The following COL11A1 variants were observed in gnomAD, a reference collection of about 807,000 sequenced individuals.
The protein encoded by COL11A1 is collagen type XI alpha 1 chain.
Under a neutral mutation model 265.2 loss-of-function variants are expected in COL11A1, and 74 were observed. That is an observed-to-expected ratio of 0.28 (90% CI 0.23 to 0.34). The LOEUF (loss-of-function observed/expected upper bound fraction) is 0.34, where lower values mean the gene tolerates loss of function less well. Among genes scored for constraint, COL11A1 ranks in the 10% least tolerant of loss-of-function variants. The pLI is 1.00. For missense variants in COL11A1, 2,165 were observed against 2,263.6 expected, an observed-to-expected ratio of 0.96 and a Z score of 0.88; for synonymous variants, 816 against 727.6, an observed-to-expected ratio of 1.12 and a Z score of -1.96.
chr1:103,053,158 G>A (rs766179312), intron 4 of COL11A1, among the ~76,000 whole-genome samples: 3 of 152,126 alleles, frequency 2.0e-5, no homozygotes, highest in South Asian at 2.1e-4. Flanking sequence ...ATTAAACAGG[G>A]CAATGCCCCT....
intron 46 of COL11A1, among the ~76,000 whole-genome samples, chr1:102,933,128 C>T (rs1443373504): frequency 2.7e-5 from 4 of 150,436 alleles, no homozygotes; most frequent in African/African-American, 7.3e-5. Flanking sequence ...TGTTCCATTG[C>T]TGGTGAGGAA....
At chr1:103,099,173 C>T (rs1387181866) in intron 1 of COL11A1, among the ~76,000 whole-genome samples, 1 of 151,540 alleles carries the variant, frequency 6.6e-6, no homozygotes, top group Non-Finnish European at 1.5e-5. Context: ...CATACCTATA[C>T]CAGTGATTTT....
At chr1:102,982,732 A>C (rs1030106511) in intron 31 of COL11A1, among the ~76,000 whole-genome samples, 1 of 152,060 alleles carries the variant, frequency 6.6e-6, no homozygotes. Context: ...CAATGAAAAA[A>C]TTGTAAGACA....
In COL11A1 at chr1:103,074,783, A is replaced by G; in HGVS notation, c.489-3T>C. ...CGCTGATTGCTACCCGATGCCACCTAAAAAAGACAAGTAATTCTTTTGTAA... is the reference window on the plus strand; with the variant it reads ...CGCTGATTGCTACCCGATGCCACCTGAAAAAGACAAGTAATTCTTTTGTAA... On this transcript the variant is annotated splice_polypyrimidine_tract_variant and splice_region_variant and intron_variant, in intron 3 of 66. Coordinates refer to ENST00000370096, the MANE Select transcript of COL11A1 (RefSeq NM_001854.4). 1.2e-6 allele frequency: 2 copies of G among 1,612,908 alleles called. No homozygotes were observed. Among genetic ancestry groups the G allele is most frequent in the Non-Finnish European group, 1.7e-6 (2 of 1,179,368 alleles).
intron 8 of COL11A1, among the ~76,000 whole-genome samples, 193 bp downstream of exon 8, chr1:103,022,549 T>C (rs184833458): frequency 8.5e-5 from 13 of 152,322 alleles, no homozygotes; most frequent in East Asian, 3.9e-4. Flanking sequence ...TCCAAAAGTA[T>C]GGCCAAAGAT....
At chr1:103,019,857 T>C (rs1666869262) in intron 9 of COL11A1, among the ~76,000 whole-genome samples, 2 of 150,898 alleles carry the variant, frequency 1.3e-5, no homozygotes, top group South Asian at 4.2e-4. Flanking sequence ...TTTGTTCTTG[T>C]GATAGTTTAC....
At position 102,942,024 on chromosome 1, in the gene COL11A1, T is replaced by A. The variant is rs543798399; in HGVS notation, c.3277-1590A>T. ...TAACTAATTTATTACTTGCCTGGGT[T>A]TCATATGTTCTTGTTTTTCAAAAGG... On this transcript the variant is annotated intron_variant, in intron 42 of 66. Transcript: ENST00000370096. Among the ~76,000 whole-genome samples the A allele has an allele frequency of 7.3e-4, 111 of 152,318 alleles. 1 individual carries two copies. Among genetic ancestry groups the A allele is most frequent in the African/African-American group, 2.6e-3 (107 of 41,580 alleles).
chr1:102,900,445 T>C (rs1042874300), intron 54 of COL11A1, among the ~76,000 whole-genome samples: 1 of 152,136 alleles, frequency 6.6e-6, no homozygotes, highest in Non-Finnish European at 1.5e-5. Context: ...ACAATAATAA[T>C]GATTATTATT....
At chr1:102,973,802 T>C (rs947717713) in intron 36 of COL11A1, among the ~76,000 whole-genome samples, 3 of 152,248 alleles carry the variant, frequency 2.0e-5, no homozygotes, top group Non-Finnish European at 4.4e-5. Flanking sequence ...TCTTCAGTGG[T>C]AAATAATAAT....
chr1:102,965,272 T>G (rs1661299768), intron 38 of COL11A1, among the ~76,000 whole-genome samples: 1 of 152,210 alleles, frequency 6.6e-6, no homozygotes, highest in Non-Finnish European at 1.5e-5. Flanking sequence ...ATTCTTCTCT[T>G]TTATTCTTAC....
Position 103,070,209 on chromosome 1 carries a change from AAATAAT to A in COL11A1, c.651+4403_651+4408del, listed in dbSNP as rs140020554. Among the ~76,000 whole-genome samples the A allele has an allele frequency of 4.2e-3, 595 of 143,340 alleles. 3 individuals are homozygous for A. The highest frequency in any genetic ancestry group is 0.012 in the African/African-American group (466 of 39,492). The allele number at this position is 143,340 out of a possible 152,430, so 94.0% of individuals were successfully genotyped here. ...CTATGTGTTAAAATCCTACTCAGCA[AAATAAT>A]AATAATAATAATAATAATAATAATA... On this transcript the variant is annotated intron_variant, in intron 4 of 66. Coordinates refer to ENST00000370096, the MANE Select transcript of COL11A1 (RefSeq NM_001854.4).
chr1:103,033,478 C>A (rs1668137276), intron 4 of COL11A1, among the ~76,000 whole-genome samples: 1 of 152,048 alleles, frequency 6.6e-6, no homozygotes, highest in African/African-American at 2.4e-5. Context: ...TCATGTCAAT[C>A]CTACACAAAA....
At chr1:102,883,745 T>G (rs1650567828) in intron 63 of COL11A1, among the ~76,000 whole-genome samples, 2 of 152,150 alleles carry the variant, frequency 1.3e-5, no homozygotes, top group African/African-American at 4.8e-5. Context: ...TTTATTCATT[T>G]GTAACAGTGG....
At chr1:102,980,221 A>T (rs1300791132) in intron 31 of COL11A1, among the ~76,000 whole-genome samples, 1 of 152,064 alleles carries the variant, frequency 6.6e-6, no homozygotes, top group Non-Finnish European at 1.5e-5. Context: ...TGGTATAAAA[A>T]TAATAATAAT....
chr1:102,896,300 T>C (rs2100905601), intron 57 of COL11A1, among the ~76,000 whole-genome samples: 1 of 151,464 alleles, frequency 6.6e-6, no homozygotes, highest in African/African-American at 2.4e-5. Context: ...GGCTCTAGAG[T>C]CGATAACCTT....
intron 46 of COL11A1, among the ~76,000 whole-genome samples, chr1:102,927,132 A>T (rs1656685992): frequency 6.6e-6 from 1 of 152,104 alleles, no homozygotes; most frequent in Admixed American, 6.5e-5. Flanking sequence ...TTATAATCAT[A>T]TTTATAAAAA....
At chr1:103,080,513 C>T (rs1672321893) in intron 2 of COL11A1, among the ~76,000 whole-genome samples, 1 of 151,694 alleles carries the variant, frequency 6.6e-6, no homozygotes, top group South Asian at 2.1e-4. Flanking sequence ...GACAAGATGT[C>T]TGAATAAACA....
intron 51 of COL11A1, 115 bp downstream of exon 51, chr1:102,914,589 A>G (rs1655083863): frequency 2.0e-6 from 2 of 995,098 alleles, no homozygotes; most frequent in Non-Finnish European, 3.1e-6. Context: ...TGAAATGATG[A>G]AAAGTCAGAT....
chr1:103,026,242 T>C lies in COL11A1; in HGVS notation c.871A>G (p.Thr291Ala), dbSNP rs778869762. Residue 291 changes from threonine (T) to alanine (A), a missense_variant, in exon 6 of 67, where the codon ACT becomes GCT. Transcript: ENST00000370096. Reference sequence around the variant, plus strand: ...TCCGTCTGTGCTATTGTCTCCTCAGTTACAGTGGGTCCCTCTGTTACACTT... The same window carrying C: ...TCCGTCTGTGCTATTGTCTCCTCAGCTACAGTGGGTCCCTCTGTTACACTT... Reference protein sequence around the residue: ...AESVTEGPTVTEETIAQTEAN... With the variant: ...AESVTEGPTVAEETIAQTEAN... 9 of 1,613,362 alleles carry C rather than the reference T, an allele frequency of 5.6e-6. No homozygotes were observed. In the East Asian group the frequency reaches 1.8e-4, roughly 32 times the overall value.
Sources: allele counts gnomAD v4.1 joint callset (sites outside exome capture counted in the v4.1 genomes callset), GRCh38; gene constraint gnomAD v4.1.1; transcripts MANE v1.5; gene names NCBI Gene and HGNC (gene_info 2026-07-23, HGNC 2026-07-21).